KHDRBS2: variants seen among roughly 807,000 people sequenced by gnomAD.
KHDRBS2 encodes KH RNA binding domain containing, signal transduction associated 2, also known as KH domain-containing, RNA-binding, signal transduction-associated protein 2.
KHDRBS2 carries 26 observed loss-of-function variants against 44.3 expected under a neutral mutation model. The ratio of observed to expected loss-of-function variants is 0.59; its 90% CI spans 0.43 to 0.81. The LOEUF (loss-of-function observed/expected upper bound fraction) is 0.81, where lower values mean the gene tolerates loss of function less well. Ranked by LOEUF, KHDRBS2 falls within the 40% of genes least tolerant of loss-of-function variation. KHDRBS2 has a pLI of 0.00. For synonymous variants in KHDRBS2, 194 were observed against 151.1 expected (o/e 1.28, Z -2.08); for missense variants, 476 against 433.1 (o/e 1.10, Z -0.88).
intron 4 of KHDRBS2, among the ~76,000 whole-genome samples, chr6:61,945,111 A>ATATATGTGT (rs1242129681): frequency 2.6e-5 from 1 of 37,776 alleles, no homozygotes; most frequent in Non-Finnish European, 4.4e-5. Context: ...AAAAAAAAAA[A>ATATATGTGT]AGTATATATA....
intron 2 of KHDRBS2, among the ~76,000 whole-genome samples, chr6:62,115,122 A>G (rs1805907845): frequency 1.3e-5 from 2 of 152,178 alleles, no homozygotes; most frequent in African/African-American, 4.8e-5. Flanking sequence ...ATACACAAAG[A>G]AATGTAAATT....
At chr6:62,174,885 C>A (rs566365941) in intron 2 of KHDRBS2, among the ~76,000 whole-genome samples, 32 of 151,670 alleles carry the variant, frequency 2.1e-4, no homozygotes, top group Non-Finnish European at 3.8e-4. Flanking sequence ...CTTAACAGCT[C>A]ATAGTATTAC....
At chr6:61,788,360 A>G (rs1170553161) in intron 6 of KHDRBS2, among the ~76,000 whole-genome samples, 1 of 151,476 alleles carries the variant, frequency 6.6e-6, no homozygotes, top group Admixed American at 6.6e-5. Context: ...ATTTCAAACA[A>G]ATCATTTGCT....
chr6:61,955,691 T>C lies in KHDRBS2; in HGVS notation c.483+22375A>G, dbSNP rs1562522292. 2.4e-4 allele frequency among the ~76,000 whole-genome samples: 30 copies of C among 123,728 alleles called. 1 individual carries two copies. Among genetic ancestry groups the C allele is most frequent in the Middle Eastern group, 4.5e-3 (1 of 220 alleles). The allele number at this position is 123,728 out of a possible 152,430, so 81.2% of individuals were successfully genotyped here. On this transcript the variant is annotated intron_variant, in intron 4 of 8. Transcript: ENST00000281156. ...ATATGTACACATATGTATGTATACA[T>C]ATATGTGTATATATACACATATGTA...
the KHDRBS2 span, among the ~76,000 whole-genome samples, chr6:61,587,354 C>G: frequency 8.3e-6 from 1 of 120,368 alleles, no homozygotes. Flanking sequence ...GAAGAGACAG[C>G]TTTTTTTTAT....
rs551895867 is a variant in KHDRBS2, at chr6:61,734,875, A to C, written c.811-2111T>G. Among the ~76,000 whole-genome samples the C allele has an allele frequency of 3.3e-5, 5 of 152,156 alleles. 1 individual carries two copies. Among genetic ancestry groups the C allele is most frequent in the Non-Finnish European group, 7.4e-5 (5 of 68,008 alleles). ...TAATGTTTTTATGTGTAACATGGAGACTATCACCTGAAGAACTGTGTCATT... is the reference window on the plus strand; with the variant it reads ...TAATGTTTTTATGTGTAACATGGAGCCTATCACCTGAAGAACTGTGTCATT... On this transcript the variant is annotated intron_variant, in intron 6 of 8. Transcript: ENST00000281156.
intron 1 of KHDRBS2, among the ~76,000 whole-genome samples, chr6:62,284,423 T>C (rs16883106): frequency 0.14 from 21,687 of 152,134 alleles, 2,032 homozygotes; most frequent in East Asian, 0.27. Context: ...GACTTGCCTT[T>C]TAAATCATTT....
intron 2 of KHDRBS2, among the ~76,000 whole-genome samples, chr6:62,095,859 T>G (rs1800486451): frequency 6.6e-6 from 1 of 151,894 alleles, no homozygotes; most frequent in Non-Finnish European, 1.5e-5. Context: ...TGGGTCTATT[T>G]TATACAGAAT....
intron 3 of KHDRBS2, among the ~76,000 whole-genome samples, chr6:62,027,416 CAG>C (rs1298413699): frequency 5.3e-5 from 8 of 152,172 alleles, no homozygotes; most frequent in Non-Finnish European, 8.8e-5. Context: ...TTAGAAACCT[CAG>C]AATTTTTTAA....
intron 1 of KHDRBS2, among the ~76,000 whole-genome samples, chr6:62,257,666 T>A (rs775324273): frequency 6.6e-6 from 1 of 152,044 alleles, no homozygotes; most frequent in Non-Finnish European, 1.5e-5. Flanking sequence ...ATGAGAAAAG[T>A]CCATATTTTG....
chr6:62,262,497 A>G (rs1838518396), intron 1 of KHDRBS2, among the ~76,000 whole-genome samples: 1 of 151,842 alleles, frequency 6.6e-6, no homozygotes, highest in Non-Finnish European at 1.5e-5. Flanking sequence ...AAATACTCAT[A>G]TTAATCCATA....
chr6:61,607,367 A>T, the KHDRBS2 span, among the ~76,000 whole-genome samples: 20 of 151,506 alleles, frequency 1.3e-4, no homozygotes, highest in East Asian at 1.9e-3. Flanking sequence ...ATTAGTTCAG[A>T]TATAAAATAA....
intron 8 of KHDRBS2, among the ~76,000 whole-genome samples, chr6:61,682,861 A>G (rs1766451487): frequency 6.6e-6 from 1 of 151,876 alleles, no homozygotes; most frequent in African/African-American, 2.4e-5. Flanking sequence ...GTGTACTCAA[A>G]GGGAAAACAC....
At chr6:62,163,333 A>G (rs1277722781) in intron 2 of KHDRBS2, among the ~76,000 whole-genome samples, 1 of 152,082 alleles carries the variant, frequency 6.6e-6, no homozygotes, top group African/African-American at 2.4e-5. Context: ...TCATATTTCA[A>G]TGAGGAAATG....
intron 7 of KHDRBS2, among the ~76,000 whole-genome samples, chr6:61,709,371 A>G (rs1770116082): frequency 6.6e-6 from 1 of 151,668 alleles, no homozygotes; most frequent in African/African-American, 2.4e-5. Context: ...GATGATCTAT[A>G]TAAGGCATCT....
intron 2 of KHDRBS2, among the ~76,000 whole-genome samples, chr6:62,090,126 T>A (rs1799219449): frequency 6.6e-6 from 1 of 152,068 alleles, no homozygotes; most frequent in Non-Finnish European, 1.5e-5. Flanking sequence ...AGAACAAAGA[T>A]AATAACAAAA....
intron 4 of KHDRBS2, among the ~76,000 whole-genome samples, chr6:61,954,290 C>T (rs181517340): frequency 6.6e-6 from 1 of 150,588 alleles, no homozygotes; most frequent in Non-Finnish European, 1.5e-5. Flanking sequence ...CGTGTGTCTA[C>T]ATATACACAT....
intron 1 of KHDRBS2, among the ~76,000 whole-genome samples, chr6:62,197,593 C>A (rs1825964352): frequency 6.6e-6 from 1 of 152,020 alleles, no homozygotes; most frequent in African/African-American, 2.4e-5. Flanking sequence ...GACTAATAAA[C>A]ATGAAATCCC....
At chr6:61,589,217 T>C in the KHDRBS2 span, among the ~76,000 whole-genome samples, 2 of 152,184 alleles carry the variant, frequency 1.3e-5, no homozygotes, top group East Asian at 1.9e-4. Flanking sequence ...GTTCAGCACA[T>C]ATATCTCAGA....
Sources: allele counts gnomAD v4.1 joint callset (sites outside exome capture counted in the v4.1 genomes callset), GRCh38; gene constraint gnomAD v4.1.1; transcripts MANE v1.5; gene names NCBI Gene and HGNC (gene_info 2026-07-23, HGNC 2026-07-21).